MARCO: variants seen among roughly 807,000 people sequenced by gnomAD.
MARCO encodes the protein macrophage receptor MARCO.
A neutral mutation model predicts 70.0 loss-of-function variants in MARCO; 72 were observed. The ratio of observed to expected loss-of-function variants is 1.03; its 90% CI spans 0.85 to 1.25. MARCO has a LOEUF of 1.25. Among genes scored for constraint, MARCO ranks in the 50% most tolerant of loss-of-function variants. MARCO has a pLI of 0.00. For missense variants in MARCO, 696 were observed against 659.3 expected (o/e 1.06, Z -0.61); for synonymous variants, 273 against 243.1 (o/e 1.12, Z -1.14).
At position 118,974,518 on chromosome 2, in the gene MARCO, C is replaced by T; in HGVS notation, c.569-3C>T. ...TTCACTCTGAATTCCCTTTCCCTTC[C>T]AGGCCCCTCGGGACCCCAAGGCCCA... On this transcript the variant is annotated splice_region_variant and splice_polypyrimidine_tract_variant and intron_variant, in intron 5 of 16. Coordinates refer to ENST00000327097, the MANE Select transcript of MARCO (RefSeq NM_006770.4). 1 of 1,613,966 alleles carries T rather than the reference C, an allele frequency of 6.2e-7. No individual in the cohort carries two copies.
chr2:118,967,053 A>G (rs931405825), intron 1 of MARCO, among the ~76,000 whole-genome samples: 1 of 152,234 alleles, frequency 6.6e-6, no homozygotes, highest in Admixed American at 6.5e-5. Context: ...TGTGCCAGAT[A>G]CCACGTTGGT....
At chr2:118,952,394 G>T (rs1049123915) in intron 1 of MARCO, among the ~76,000 whole-genome samples, 10 of 152,154 alleles carry the variant, frequency 6.6e-5, no homozygotes, top group Admixed American at 6.5e-4. Flanking sequence ...TGGCGTGCAG[G>T]TATAAATCCC....
Position 118,963,134 on chromosome 2 carries a change from G to A in MARCO, c.98-6026G>A, listed in dbSNP as rs539886441. 2.3e-4 allele frequency among the ~76,000 whole-genome samples: 35 copies of A among 150,978 alleles called. No homozygotes were observed. The South Asian group carries it at 6.7e-3, about 29-fold the overall frequency. On this transcript the variant is annotated intron_variant, in intron 1 of 16. Coordinates refer to ENST00000327097, the MANE Select transcript of MARCO (RefSeq NM_006770.4). Reference sequence around the variant, plus strand: ...CTTATCTTTATTATTTCCTTTTCTGGTGATTAGGAGTTATTTTGTTCTTTT... The same window carrying A: ...CTTATCTTTATTATTTCCTTTTCTGATGATTAGGAGTTATTTTGTTCTTTT...
chr2:118,991,307 G>A (rs193180076), intron 13 of MARCO, among the ~76,000 whole-genome samples: 9 of 147,774 alleles, frequency 6.1e-5, no homozygotes, highest in Non-Finnish European at 8.9e-5. Flanking sequence ...ACCCAGGCCC[G>A]AATGCAGTGG....
chr2:118,981,097 C>T (rs1239904318), intron 8 of MARCO, among the ~76,000 whole-genome samples: 1 of 152,138 alleles, frequency 6.6e-6, no homozygotes, highest in Non-Finnish European at 1.5e-5. Context: ...TGCCAAAATG[C>T]AGACACTAAA....
chr2:118,959,093 C>A (rs1679891130), intron 1 of MARCO, among the ~76,000 whole-genome samples: 1 of 151,986 alleles, frequency 6.6e-6, no homozygotes. Context: ...ATTTCATGAC[C>A]AAGAACCCAA....
intron 10 of MARCO, among the ~76,000 whole-genome samples, chr2:118,981,909 G>C (rs982954767): frequency 6.6e-6 from 1 of 152,152 alleles, no homozygotes; most frequent in African/African-American, 2.4e-5. Context: ...GTCACACCCA[G>C]AGCTCCTAGT....
intron 1 of MARCO, among the ~76,000 whole-genome samples, chr2:118,957,950 TC>T (rs776765282): frequency 6.6e-6 from 1 of 152,018 alleles, no homozygotes; most frequent in Non-Finnish European, 1.5e-5. Flanking sequence ...AAATCCAGCA[TC>T]CCTTTATGAT....
At chr2:118,956,906 A>G (rs980888842) in intron 1 of MARCO, among the ~76,000 whole-genome samples, 3 of 152,174 alleles carry the variant, frequency 2.0e-5, no homozygotes, top group Non-Finnish European at 4.4e-5. Flanking sequence ...TGGGTCAAAA[A>G]TGATATCAAG....
intron 12 of MARCO, among the ~76,000 whole-genome samples, chr2:118,982,683 T>G (rs1398936829): frequency 6.6e-5 from 10 of 152,166 alleles, no homozygotes; most frequent in Admixed American, 3.3e-4. Context: ...ACCTTGCCCA[T>G]ACCATCTCCC....
intron 6 of MARCO, 128 bp from the exon 7 acceptor site, chr2:118,977,343 T>A (rs1573398135): frequency 6.8e-6 from 5 of 731,514 alleles, no homozygotes; most frequent in Non-Finnish European, 1.2e-5. Flanking sequence ...AGAGTGAGAG[T>A]GAGAGAGAGA....
At chr2:118,960,310 G>A (rs890427088) in intron 1 of MARCO, among the ~76,000 whole-genome samples, 4 of 151,988 alleles carry the variant, frequency 2.6e-5, no homozygotes, top group Admixed American at 2.6e-4. Context: ...GAATAAGAAG[G>A]CAAGAACATA....
intron 1 of MARCO, among the ~76,000 whole-genome samples, chr2:118,962,386 G>A (rs1410358786): frequency 6.6e-6 from 1 of 151,958 alleles, no homozygotes; most frequent in Non-Finnish European, 1.5e-5. Flanking sequence ...CGTCCTCTCT[G>A]ATTTCCTTGA....
intron 1 of MARCO, among the ~76,000 whole-genome samples, chr2:118,964,110 T>G (rs1387715369): frequency 6.6e-6 from 1 of 152,216 alleles, no homozygotes; most frequent in Non-Finnish European, 1.5e-5. Flanking sequence ...TATCAACATT[T>G]TACCATTTTG....
At chr2:118,942,685 T>C (rs1273279827) in intron 1 of MARCO, among the ~76,000 whole-genome samples, 2 of 152,190 alleles carry the variant, frequency 1.3e-5, no homozygotes, top group East Asian at 1.9e-4. Context: ...AAATGTCCCC[T>C]TTTTTTAATG....
chr2:118,977,319 AGAG>A (rs1229183558), intron 6 of MARCO, 149 bp from the exon 7 acceptor site: 4 of 193,782 alleles, frequency 2.1e-5, no homozygotes, highest in South Asian at 1.4e-4. Context: ...TGTGTGAAAA[AGAG>A]AGAGAGAGAG....
chr2:118,974,434 G>A lies in MARCO; in HGVS notation c.562G>A (p.Ala188Thr). The change falls in exon 5 of 17, where the codon GCA becomes ACA. Residue 188 changes from alanine to threonine, a missense_variant. By Grantham distance (58) the Ala-to-Thr change is moderately conservative. This residue lies in a region of MARCO where 605 missense variants were observed against 537.6 expected (regional missense o/e 1.13). Coordinates refer to ENST00000327097, the MANE Select transcript of MARCO (RefSeq NM_006770.4). ...CAAGGGGGCTATGGGACGAGATGGA[G>A]CAACAGGTACGGGTCTTTTTCTTCT... The part of the protein sequence containing the change: ...GAKGAMGRDG[A>T]TGPSGPQGPP... 6.2e-7 allele frequency: 1 copy of A among 1,612,836 alleles called. No homozygotes were observed. The highest frequency in any genetic ancestry group is 1.3e-5 in the African/African-American group (1 of 75,044).
intron 6 of MARCO, among the ~76,000 whole-genome samples, chr2:118,976,898 T>A (rs189656633): frequency 6.6e-6 from 1 of 152,316 alleles, no homozygotes; most frequent in East Asian, 1.9e-4. Flanking sequence ...TACTACAGAA[T>A]ACCTGAGACT....
At chr2:118,953,877 G>A (rs1679775438) in intron 1 of MARCO, among the ~76,000 whole-genome samples, 1 of 152,208 alleles carries the variant, frequency 6.6e-6, no homozygotes, top group South Asian at 2.1e-4. Context: ...TGAGCCAAGT[G>A]AAATACAGGG....
Sources: allele counts gnomAD v4.1 joint callset (sites outside exome capture counted in the v4.1 genomes callset), GRCh38; gene constraint gnomAD v4.1.1; regional missense constraint gnomAD v4.1.1; transcripts MANE v1.5; gene names NCBI Gene and HGNC (gene_info 2026-07-23, HGNC 2026-07-21).